Variants in TMEM120B observed in about 807,000 individuals in gnomAD.
The protein encoded by TMEM120B is transmembrane protein 120B.
TMEM120B carries 31 observed loss-of-function variants against 55.5 expected under a neutral mutation model. The observed-to-expected ratio is 0.56, with a 90% CI of 0.42 to 0.75. TMEM120B has a LOEUF of 0.75. Ranked by LOEUF, TMEM120B falls within the 30% of genes least tolerant of loss-of-function variation. The pLI, the probability that TMEM120B is intolerant of heterozygous loss-of-function variation, is 0.00. For missense variants in TMEM120B, 399 were observed against 425.5 expected (o/e 0.94, Z 0.55); for synonymous variants, 203 against 176.3 (o/e 1.15, Z -1.20).
intron 6 of TMEM120B, 46 bp downstream of exon 6, chr12:121,761,784 G>A: frequency 6.6e-7 from 1 of 1,517,706 alleles, no homozygotes; most frequent in Non-Finnish European, 9.1e-7. Flanking sequence ...GGAGTTAAAG[G>A]GAAATGTCAC....
intron 1 of TMEM120B, among the ~76,000 whole-genome samples, chr12:121,716,006 G>A (rs1456060376): frequency 6.7e-6 from 1 of 150,210 alleles, no homozygotes; most frequent in African/African-American, 2.5e-5. Flanking sequence ...CGAGATATTT[G>A]TTGGGAGCTC....
chr12:121,724,508 T>A (rs1254366110), intron 1 of TMEM120B, among the ~76,000 whole-genome samples: 8 of 151,184 alleles, frequency 5.3e-5, no homozygotes, highest in African/African-American at 9.7e-5. Context: ...GGTGAGAAGA[T>A]GGATGTTAAT....
At chr12:121,748,283 C>CT in intron 2 of TMEM120B, 43 bp from the exon 3 acceptor site, 1 of 1,523,984 alleles carries the variant, frequency 6.6e-7, no homozygotes, top group South Asian at 1.1e-5. Flanking sequence ...CCTCCTCCCT[C>CT]TGAGTGACGC....
chr12:121,733,747 A>G (rs1895048658), intron 1 of TMEM120B, among the ~76,000 whole-genome samples: 1 of 149,484 alleles, frequency 6.7e-6, no homozygotes, highest in Non-Finnish European at 1.5e-5. Flanking sequence ...CATGTAGGCC[A>G]GGCTGGTCTC....
intron 6 of TMEM120B, among the ~76,000 whole-genome samples, chr12:121,764,387 G>T (rs1873778486): frequency 6.6e-6 from 1 of 152,176 alleles, no homozygotes; most frequent in East Asian, 1.9e-4. Flanking sequence ...GGGCGTGGTG[G>T]TGCATGCCTG....
chr12:121,717,367 G>A (rs1894720177), intron 1 of TMEM120B, among the ~76,000 whole-genome samples: 1 of 152,184 alleles, frequency 6.6e-6, no homozygotes, highest in Non-Finnish European at 1.5e-5. Context: ...CTAATGACAT[G>A]TACATCCGTC....
rs780088880 is a variant in TMEM120B, at chr12:121,761,741, AC to A, written c.551+5del. On this transcript the variant is annotated splice_donor_region_variant and intron_variant, in intron 6 of 11. Transcript: ENST00000449592. ...ATTCTCATCAGCAACGGCTCAAGGT[AC>A]CTGGGCACCTGGCTTTGTGGGGAGC... The A allele has an allele frequency of 6.2e-7, 1 of 1,612,108 alleles. No homozygotes were observed. Among genetic ancestry groups the A allele is most frequent in the African/African-American group, 1.3e-5 (1 of 74,970 alleles).
chr12:121,712,934 C>A lies in TMEM120B; in HGVS notation c.39C>A (p.His13Gln). 1 of 1,536,936 alleles carries A rather than the reference C, an allele frequency of 6.5e-7. No homozygotes were observed. The highest frequency in any genetic ancestry group is 8.7e-7 in the Non-Finnish European group (1 of 1,149,088). The change falls in exon 1 of 12, where the codon CAC (histidine) becomes CAA (glutamine). Residue 13 changes from histidine to glutamine, a missense_variant. His to Gln is a conservative substitution (Grantham distance 24). Around this residue, in one of 3 missense-constraint regions of TMEM120B, gnomAD observed 133 missense variants for 104.1 expected, o/e 1.28. Transcript: ENST00000449592. ...TGGAGCGTTGCGAGCGCGAATGGCACGAGCTGGAGGGAGAATTTCAAGAAC... is the reference window on the plus strand; with the variant it reads ...TGGAGCGTTGCGAGCGCGAATGGCAAGAGCTGGAGGGAGAATTTCAAGAAC... ...GQLERCEREW[H>Q]ELEGEFQELQ...
intron 6 of TMEM120B, 35 bp from the exon 7 acceptor site, chr12:121,770,872 C>T (rs1178247314): frequency 6.2e-7 from 1 of 1,608,696 alleles, no homozygotes; most frequent in African/African-American, 1.3e-5. Context: ...TTGCTCTCCC[C>T]TCCTGAGCAC....
At position 121,750,413 on chromosome 12, in the gene TMEM120B, C is replaced by T. The variant is rs1381937818; in HGVS notation, c.339C>T (p.Asn113=). 1.3e-5 allele frequency: 21 copies of T among 1,612,372 alleles called. No homozygotes were observed. The highest frequency in any genetic ancestry group is 1.6e-4 in the Middle Eastern group (1 of 6,066). The change falls in exon 4 of 12, where the codon AAC becomes AAT. Residue 113 remains asparagine (N), a synonymous_variant. Transcript: ENST00000449592. The part of the protein sequence containing the change: ...LYLNLVLGNV[N]VTLLSNQAKF... ...TGAACCTGGTCCTCGGCAATGTGAA[C>T]GTGACCCTCCTCAGCAACCAGGCCA...
chr12:121,776,723 C>T lies in TMEM120B; in HGVS notation c.*1001C>T, dbSNP rs1874260307. On this transcript the variant is annotated 3_prime_UTR_variant, in exon 12 of 12. Transcript: ENST00000449592. ...CCCCCTAACTGTGGCCCTACAAATC[C>T]CTAGGCCAGACCTCACAGCAGTGCC... The T allele has an allele frequency of 6.6e-6, 1 of 152,268 alleles. No homozygotes were observed. The highest frequency in any genetic ancestry group is 1.5e-5 in the Non-Finnish European group (1 of 68,070). The allele number at this position is 152,268 out of a possible 1,614,324, so 9.4% of individuals were successfully genotyped here.
At chr12:121,714,878 CT>C (rs1364576996) in intron 1 of TMEM120B, among the ~76,000 whole-genome samples, 2 of 151,992 alleles carry the variant, frequency 1.3e-5, no homozygotes, top group Non-Finnish European at 2.9e-5. Context: ...CTTCTTAATG[CT>C]TTGTCTTACT....
chr12:121,727,755 TCCCAG>T (rs1566507927), intron 1 of TMEM120B, among the ~76,000 whole-genome samples: 1 of 150,160 alleles, frequency 6.7e-6, no homozygotes, highest in African/African-American at 2.5e-5. Flanking sequence ...GCGCCAGTAG[TCCCAG>T]CTACTCGGGA....
intron 2 of TMEM120B, 51 bp downstream of exon 2, chr12:121,743,798 C>G (rs771642760): frequency 1.5e-6 from 2 of 1,349,072 alleles, no homozygotes; most frequent in Non-Finnish European, 2.1e-6. Context: ...GGACAGAAGT[C>G]CAACTCAAAA....
At position 121,775,223 on chromosome 12, in the gene TMEM120B, C is replaced by T. The variant is rs1216607074; in HGVS notation, c.906+93C>T. 2 of 1,264,318 alleles carry T rather than the reference C, an allele frequency of 1.6e-6. No individual in the cohort carries two copies. Among genetic ancestry groups the T allele is most frequent in the Admixed American group, 2.0e-5 (1 of 48,850 alleles). The allele number at this position is 1,264,318 out of a possible 1,614,324, so 78.3% of individuals were successfully genotyped here. On this transcript the variant is annotated intron_variant, in intron 11 of 11. Coordinates refer to ENST00000449592, the MANE Select transcript of TMEM120B (RefSeq NM_001080825.2). The surrounding 1 kb of genome is among the most constrained non-coding windows in gnomAD (Gnocchi z 4.3). ...TGTGTGGCATGCTGGGGTGCGGATT[C>T]CTGGGGAGGGCTGGGATGGCAGATG...
chr12:121,768,575 T>A (rs908109428), intron 6 of TMEM120B, among the ~76,000 whole-genome samples: 7 of 151,558 alleles, frequency 4.6e-5, no homozygotes, highest in Non-Finnish European at 1.0e-4. Flanking sequence ...CCCAAGAGAG[T>A]TCTGGAGGGA....
chr12:121,774,610 G>A (rs1040485820), intron 9 of TMEM120B, 48 bp from the exon 10 acceptor site: 1 of 1,593,366 alleles, frequency 6.3e-7, no homozygotes, highest in Non-Finnish European at 8.6e-7. Flanking sequence ...GAGCTGTGGG[G>A]GCAGCGGACC....
intron 1 of TMEM120B, among the ~76,000 whole-genome samples, chr12:121,723,884 C>T (rs1198550524): frequency 6.6e-6 from 1 of 152,036 alleles, no homozygotes; most frequent in African/African-American, 2.4e-5. Context: ...CCACGGCAGC[C>T]TTCACCTCCT....
intron 3 of TMEM120B, among the ~76,000 whole-genome samples, chr12:121,749,574 C>T (rs766289251): frequency 2.6e-5 from 4 of 151,940 alleles, no homozygotes; most frequent in Non-Finnish European, 4.4e-5. Flanking sequence ...GCTACTTTGG[C>T]GACTGAGGTG....
Sources: allele counts gnomAD v4.1 joint callset (sites outside exome capture counted in the v4.1 genomes callset), GRCh38; gene constraint gnomAD v4.1.1; regional missense constraint gnomAD v4.1.1; non-coding constraint Gnocchi (gnomAD v3.1); transcripts MANE v1.5; gene names NCBI Gene and HGNC (gene_info 2026-07-23, HGNC 2026-07-21).